Variants in CNIH3 observed in about 807,000 individuals in gnomAD.
CNIH3 encodes the protein cornichon family AMPA receptor auxiliary protein 3, also known as protein cornichon homolog 3.
Under a neutral mutation model 24.1 loss-of-function variants are expected in CNIH3, and 14 were observed. The observed-to-expected ratio is 0.58, with a 90% CI of 0.38 to 0.91. The LOEUF (loss-of-function observed/expected upper bound fraction) is 0.91, where lower values mean the gene tolerates loss of function less well. Among genes scored for constraint, CNIH3 ranks in the 40% least tolerant of loss-of-function variants. The pLI is 0.00. For synonymous variants in CNIH3, 68 were observed against 73.8 expected (o/e 0.92, Z 0.40); for missense variants, 178 against 196.8 (o/e 0.90, Z 0.57).
intron 3 of CNIH3, among the ~76,000 whole-genome samples, chr1:224,690,686 C>T (rs193153174): frequency 5.6e-4 from 86 of 152,334 alleles, no homozygotes; most frequent in Admixed American, 1.2e-3. Context: ...TTTTCCCTGA[C>T]ATTTGTGAAT....
chr1:224,677,844 T>G (rs1686211746), intron 1 of CNIH3, among the ~76,000 whole-genome samples: 1 of 152,226 alleles, frequency 6.6e-6, no homozygotes, highest in Admixed American at 6.5e-5. Context: ...GTGCCCAGTC[T>G]CTTTGTGGGG....
chr1:224,712,816 T>G lies in CNIH3; in HGVS notation c.199-17646T>G, dbSNP rs902351153. Among the ~76,000 whole-genome samples, 4 of 152,320 alleles carry G rather than the reference T, an allele frequency of 2.6e-5. No individual in the cohort carries two copies. The East Asian group carries it at 7.7e-4, about 29-fold the overall frequency. ...TCCAATATCTGCCTTATTATGTGGT[T>G]GTTTCATTCTGGCTCTCTGATGATC... On this transcript the variant is annotated intron_variant, in intron 3 of 5. Transcript: ENST00000272133.
intron 5 of CNIH3, among the ~76,000 whole-genome samples, chr1:224,736,546 T>A (rs959029543): frequency 3.3e-5 from 5 of 152,226 alleles, no homozygotes; most frequent in African/African-American, 1.2e-4. Context: ...AGCTACCTAT[T>A]CAAACTTTCC....
intron 1 of CNIH3, among the ~76,000 whole-genome samples, chr1:224,647,610 A>G (rs963658630): frequency 2.6e-5 from 4 of 152,360 alleles, no homozygotes; most frequent in Non-Finnish European, 4.4e-5. Context: ...GAACTGGGTT[A>G]GGGCCCTGTG....
chr1:224,588,179 A>G (rs1335332759), intron 5 of CNIH3, among the ~76,000 whole-genome samples: 6 of 152,230 alleles, frequency 3.9e-5, no homozygotes, highest in Non-Finnish European at 7.4e-5. Flanking sequence ...GACATCAACT[A>G]TCTTTTGACA....
intron 1 of CNIH3, among the ~76,000 whole-genome samples, chr1:224,505,408 G>A (rs962458575): frequency 6.6e-6 from 1 of 152,100 alleles, no homozygotes; most frequent in Admixed American, 6.5e-5. Context: ...TTTTGGTTAG[G>A]TTGTCTGTAA....
intron 2 of CNIH3, among the ~76,000 whole-genome samples, chr1:224,524,936 T>G (rs1342735829): frequency 6.6e-6 from 1 of 151,792 alleles, no homozygotes; most frequent in East Asian, 1.9e-4. Context: ...GAGAGAAGAG[T>G]TCCCTTTGCA....
At chr1:224,478,547 A>G (rs890437438) in intron 1 of CNIH3, among the ~76,000 whole-genome samples, 1 of 152,080 alleles carries the variant, frequency 6.6e-6, no homozygotes, top group African/African-American at 2.4e-5. Context: ...TTCTGAATAC[A>G]TTTTCTGTAT....
intron 1 of CNIH3, among the ~76,000 whole-genome samples, chr1:224,459,881 ATTTTTT>A (rs3065475): frequency 3.7e-5 from 5 of 136,154 alleles, no homozygotes; most frequent in South Asian, 2.3e-4. Flanking sequence ...TGGAACCCCT[ATTTTTT>A]TTTTTTTTTT....
At chr1:224,506,494 G>A (rs1055097963) in intron 1 of CNIH3, among the ~76,000 whole-genome samples, 5 of 152,196 alleles carry the variant, frequency 3.3e-5, no homozygotes, top group Non-Finnish European at 7.3e-5. Flanking sequence ...GGCAGTCCCC[G>A]CTGCTCAGTG....
downstream of CNIH3, among the ~76,000 whole-genome samples, chr1:224,539,924 T>G (rs1679447020): frequency 6.6e-6 from 1 of 152,344 alleles, no homozygotes; most frequent in South Asian, 2.1e-4. Context: ...GATTGTAAGC[T>G]CCTTGAGGGT....
At chr1:224,675,954 A>G (rs1686118028) in intron 1 of CNIH3, among the ~76,000 whole-genome samples, 1 of 152,110 alleles carries the variant, frequency 6.6e-6, no homozygotes. Context: ...TTATAAATTA[A>G]ATCTACACTT....
chr1:224,720,221 C>T (rs955305315), intron 3 of CNIH3, among the ~76,000 whole-genome samples: 3 of 151,856 alleles, frequency 2.0e-5, no homozygotes, highest in Non-Finnish European at 4.4e-5. Context: ...GTAATTAACA[C>T]CACTTAATAA....
chr1:224,503,685 T>C (rs1256353356), intron 1 of CNIH3, among the ~76,000 whole-genome samples: 1 of 151,624 alleles, frequency 6.6e-6, no homozygotes, highest in African/African-American at 2.4e-5. Context: ...GGAGGTGGAG[T>C]GTGGTCCTCC....
At chr1:224,519,440 CG>C (rs1231835021) in intron 1 of CNIH3, among the ~76,000 whole-genome samples, 2 of 152,220 alleles carry the variant, frequency 1.3e-5, no homozygotes, top group Middle Eastern at 6.8e-3. Context: ...AGCTTGCAGA[CG>C]GCAGATCATG....
exon 3 of CNIH3, chr1:224,536,964 G>A (rs930830042): frequency 1.3e-5 from 2 of 152,146 alleles, no homozygotes; most frequent in Non-Finnish European, 2.9e-5. Context: ...ATGAATCAAC[G>A]CATGAGCAAA....
chr1:224,446,104 A>T (rs528689993), intron 1 of CNIH3, among the ~76,000 whole-genome samples: 1 of 152,052 alleles, frequency 6.6e-6, no homozygotes, highest in Admixed American at 6.5e-5. Flanking sequence ...GTATTCACAT[A>T]TCTTTATGTC....
At chr1:224,572,630 GTT>G (rs556982330) in intron 4 of CNIH3, among the ~76,000 whole-genome samples, 1 of 141,150 alleles carries the variant, frequency 7.1e-6, no homozygotes, top group South Asian at 2.3e-4. Flanking sequence ...TTAGGATAGG[GTT>G]TTTTTTTTTT....
chr1:224,445,425 A>G (rs1675115296), intron 1 of CNIH3, among the ~76,000 whole-genome samples: 1 of 151,572 alleles, frequency 6.6e-6, no homozygotes, highest in Non-Finnish European at 1.5e-5. Flanking sequence ...AAAATACGAA[A>G]ATTAGCCGGG....
Sources: gnomAD v4.1 joint callset for allele counts (sites outside exome capture counted in the v4.1 genomes callset) on GRCh38, gnomAD v4.1.1 for gene constraint, MANE v1.5 for transcripts, NCBI Gene and HGNC (gene_info 2026-07-23, HGNC 2026-07-21) for gene names.